The following NME7 variants were observed in gnomAD, a reference collection of about 807,000 sequenced individuals.
NME7 encodes nucleoside diphosphate kinase 7.
In NME7, 41 loss-of-function variants were observed where a neutral mutation model predicts 49.1. That is an observed-to-expected ratio of 0.83 (90% CI 0.65 to 1.08). NME7 has a LOEUF of 1.08. NME7 is among the 50% of genes least tolerant of loss of function. The pLI is 0.00. For synonymous variants in NME7, 139 were observed against 150.6 expected (o/e 0.92, Z 0.56); for missense variants, 423 against 463.4 (o/e 0.91, Z 0.80).
At chr1:169,323,732 A>C (rs887918735) in intron 2 of NME7, among the ~76,000 whole-genome samples, 7 of 152,152 alleles carry the variant, frequency 4.6e-5, no homozygotes, top group Non-Finnish European at 8.8e-5. Flanking sequence ...TTTTTGTAGC[A>C]ATAACAGCTT....
intron 1 of NME7, among the ~76,000 whole-genome samples, chr1:169,340,256 C>T (rs912787052): frequency 1.3e-5 from 2 of 152,216 alleles, no homozygotes; most frequent in East Asian, 3.9e-4. Flanking sequence ...CGGGTTCTCA[C>T]GAGATCTGAT....
chr1:169,330,716 T>A lies in NME7; in HGVS notation c.4-6216A>T, dbSNP rs34689938. Among the ~76,000 whole-genome samples the A allele has an allele frequency of 0.055, 8,350 of 152,056 alleles. 1,372 individuals are homozygous for A. In the East Asian group the frequency reaches 0.66, roughly 12 times the overall value. On this transcript the variant is annotated intron_variant, in intron 1 of 11. Coordinates refer to ENST00000367811, the MANE Select transcript of NME7 (RefSeq NM_013330.5). ...AAATAAAATCCATTACAAATGTTACTGGAGAAATTAAAAAAATCTTTAGTG... is the reference window on the plus strand; with the variant it reads ...AAATAAAATCCATTACAAATGTTACAGGAGAAATTAAAAAAATCTTTAGTG...
chr1:169,153,036 C>T (rs568536641), intron 11 of NME7, among the ~76,000 whole-genome samples: 3 of 152,066 alleles, frequency 2.0e-5, no homozygotes, highest in East Asian at 3.9e-4. Context: ...ACACTTTTGT[C>T]ATCGTTGACC....
chr1:169,172,352 G>GTA (rs1659627260), intron 10 of NME7, among the ~76,000 whole-genome samples: 1 of 61,608 alleles, frequency 1.6e-5, no homozygotes, highest in Non-Finnish European at 4.0e-5. Context: ...GTGTGTGTGT[G>GTA]TGTATGTGTA....
chr1:169,259,077 A>G (rs1206772607), intron 7 of NME7, among the ~76,000 whole-genome samples: 1 of 134,146 alleles, frequency 7.5e-6, no homozygotes, highest in Non-Finnish European at 1.8e-5. Context: ...TATATTTTAA[A>G]TTGTAAAATA....
At chr1:169,280,889 A>G (rs1014189982) in intron 7 of NME7, among the ~76,000 whole-genome samples, 4 of 151,672 alleles carry the variant, frequency 2.6e-5, no homozygotes, top group African/African-American at 9.7e-5. Context: ...CAGGTAGCAT[A>G]ATGCCTCCAG....
chr1:169,354,516 G>C (rs1333099720), intron 1 of NME7, among the ~76,000 whole-genome samples: 1 of 151,566 alleles, frequency 6.6e-6, no homozygotes, highest in East Asian at 1.9e-4. Flanking sequence ...AAAATAACTA[G>C]AAGAGTGTAA....
At chr1:169,135,807 C>T (rs1374372689) in intron 11 of NME7, among the ~76,000 whole-genome samples, 1 of 152,116 alleles carries the variant, frequency 6.6e-6, no homozygotes, top group East Asian at 1.9e-4. Flanking sequence ...CTTTCAGCAT[C>T]AGTCCTTTCT....
At position 169,132,783 on chromosome 1, in the gene NME7, CACT is replaced by C. The variant is rs1453411560; in HGVS notation, c.1130_*1del. ...CCTGTGACTTCTTTACTTTCCACAC[CACT>C]AATTATCCAAGATCTTGAAGAAGTA... On this transcript the variant is annotated stop_lost and 3_prime_UTR_variant, in exon 12 of 12. Transcript: ENST00000367811. The C allele has an allele frequency of 6.2e-7, 1 of 1,612,690 alleles. No individual in the cohort carries two copies. Among genetic ancestry groups the C allele is most frequent in the Admixed American group, 1.7e-5 (1 of 59,860 alleles).
chr1:169,218,329 AT>A (rs1309138352), intron 10 of NME7, among the ~76,000 whole-genome samples: 5 of 152,140 alleles, frequency 3.3e-5, no homozygotes, highest in African/African-American at 1.2e-4. Context: ...GCAGTGACTC[AT>A]GCTTGTAATC....
intron 1 of NME7, among the ~76,000 whole-genome samples, chr1:169,334,728 A>C (rs1185836247): frequency 1.1e-4 from 16 of 152,202 alleles, no homozygotes; most frequent in Admixed American, 1.0e-3. Context: ...TAATTAATTA[A>C]ACTAAAGAGC....
intron 10 of NME7, among the ~76,000 whole-genome samples, chr1:169,174,254 G>A (rs1659685464): frequency 1.3e-5 from 2 of 152,296 alleles, no homozygotes; most frequent in East Asian, 3.9e-4. Context: ...CTATGGCTGT[G>A]TTATTGTAAA....
intron 3 of NME7, 30 bp downstream of exon 3, chr1:169,323,087 T>C (rs778837532): frequency 2.7e-6 from 4 of 1,486,546 alleles, no homozygotes; most frequent in Non-Finnish European, 3.6e-6. Context: ...AGTTAGAGCA[T>C]GTAAAAAGAT....
intron 7 of NME7, among the ~76,000 whole-genome samples, chr1:169,238,046 T>C (rs1418202759): frequency 6.6e-6 from 1 of 151,930 alleles, no homozygotes; most frequent in Non-Finnish European, 1.5e-5. Flanking sequence ...AAGTACCAGA[T>C]ACAGAAGGAA....
intron 9 of NME7, among the ~76,000 whole-genome samples, chr1:169,231,432 C>T (rs12125057): frequency 0.24 from 36,700 of 152,056 alleles, 5,466 homozygotes; most frequent in Non-Finnish European, 0.34. Context: ...CAGAGCCCAA[C>T]GTTCTCTGAG....
At position 169,287,309 on chromosome 1, in the gene NME7, T is replaced by C. The variant is rs560789767; in HGVS notation, c.748A>G (p.Ser250Gly). Residue 250 changes from serine to glycine, a missense_variant, in exon 7 of 12, where the codon AGT becomes GGT. Physicochemically the swap from Ser to Gly is moderately conservative, Grantham distance 56. Coordinates refer to ENST00000367811, the MANE Select transcript of NME7 (RefSeq NM_013330.5). ...TCCIVKPHAV[S>G]EGLLGKILMA... The stretch of plus-strand genomic sequence containing the variant: ...TATAGTGTATTCAACATACCTTCAC[T>C]GACAGCATGGGGTTTAACAATGCAA... 1 of 1,610,960 alleles carries C rather than the reference T, an allele frequency of 6.2e-7. No individual in the cohort carries two copies. Among genetic ancestry groups the C allele is most frequent in the African/African-American group, 1.3e-5 (1 of 74,940 alleles).
At chr1:169,169,367 A>C (rs1450297815) in intron 11 of NME7, 80 bp downstream of exon 11, 3 of 1,279,750 alleles carry the variant, frequency 2.3e-6, no homozygotes, top group African/African-American at 3.0e-5. Context: ...ATAAAACAAA[A>C]AGTTTTCTTA....
intron 11 of NME7, among the ~76,000 whole-genome samples, chr1:169,137,310 A>C (rs111532779): frequency 6.4e-4 from 97 of 152,338 alleles, no homozygotes; most frequent in African/African-American, 2.2e-3. Flanking sequence ...AAAAGGCCTG[A>C]CATTTTTATT....
intron 2 of NME7, 143 bp downstream of exon 2, chr1:169,324,250 A>ATAATTTATATTTTATATT: frequency 2.1e-6 from 1 of 478,790 alleles, no homozygotes; most frequent in Non-Finnish European, 3.8e-6. Context: ...AATTATAATG[A>ATAATTTATATTTTATATT]ATAAGTTTAA....
Sources: allele counts gnomAD v4.1 joint callset (sites outside exome capture counted in the v4.1 genomes callset), GRCh38; gene constraint gnomAD v4.1.1; transcripts MANE v1.5; gene names NCBI Gene and HGNC (gene_info 2026-07-23, HGNC 2026-07-21).